Variants in SLIT3 observed in about 807,000 individuals in gnomAD.
SLIT3 encodes the protein slit homolog 3 protein.
SLIT3 carries 68 observed loss-of-function variants against 184.0 expected under a neutral mutation model. The observed-to-expected ratio is 0.37, with a 90% CI of 0.30 to 0.45. The LOEUF (loss-of-function observed/expected upper bound fraction) is 0.45. Ranked by LOEUF, SLIT3 falls within the 20% of genes least tolerant of loss-of-function variation. The probability of loss-of-function intolerance (pLI) is 1.00; values close to 1 mark genes in which losing one functional copy is unlikely to be tolerated. For missense variants in SLIT3, 1,707 were observed against 2,026.0 expected, an observed-to-expected ratio of 0.84 and a Z score of 3.02; for synonymous variants, 831 against 828.6, an observed-to-expected ratio of 1.00 and a Z score of -0.05.
At chr5:168,752,402 T>G (rs1039884503) in intron 18 of SLIT3, 1 of 150,552 alleles carries the variant, frequency 6.6e-6, no homozygotes, top group Non-Finnish European at 1.5e-5. Flanking sequence ...TTTTTTTTTT[T>G]TTTTTTTTTT....
chr5:169,251,586 T>C, intron 1 of SLIT3, 127 bp from the exon 2 acceptor site: 3 of 700,158 alleles, frequency 4.3e-6, no homozygotes, highest in East Asian at 5.0e-5. Context: ...ATTAACGATA[T>C]CCCTTGAGCG....
chr5:168,858,411 A>G (rs768170685), intron 5 of SLIT3, among the ~76,000 whole-genome samples: 1 of 152,214 alleles, frequency 6.6e-6, no homozygotes, highest in Admixed American at 6.5e-5. Context: ...CTACTTTTAT[A>G]TCCCCGTTAA....
chr5:169,217,150 A>AGC (rs1554108164), intron 3 of SLIT3, among the ~76,000 whole-genome samples: 80 of 149,436 alleles, frequency 5.4e-4, no homozygotes, highest in Admixed American at 1.1e-3. Context: ...AAAAAAAAAA[A>AGC]AACTTAGACT....
chr5:169,265,156 A>AAAACAAACAAACAAAC (rs35338338), intron 1 of SLIT3, among the ~76,000 whole-genome samples: 6 of 150,916 alleles, frequency 4.0e-5, no homozygotes, highest in East Asian at 4.0e-4. Flanking sequence ...TCCATGCTCA[A>AAAACAAACAAACAAAC]AAACAAACAA....
At chr5:169,164,338 C>T (rs182620502) in intron 4 of SLIT3, among the ~76,000 whole-genome samples, 3 of 152,270 alleles carry the variant, frequency 2.0e-5, no homozygotes, top group Admixed American at 1.3e-4. Flanking sequence ...TCTAGCACAA[C>T]GGGTTGGGAG....
intron 9 of SLIT3, among the ~76,000 whole-genome samples, chr5:168,801,144 C>A (rs1756752374): frequency 6.6e-6 from 1 of 152,146 alleles, no homozygotes; most frequent in African/African-American, 2.4e-5. Flanking sequence ...TCTGTCTGAT[C>A]AGCTTCTCCT....
chr5:168,802,154 A>G (rs1353777747), intron 9 of SLIT3, among the ~76,000 whole-genome samples: 6 of 152,090 alleles, frequency 3.9e-5, no homozygotes, highest in Non-Finnish European at 8.8e-5. Context: ...AAGAAAAAAA[A>G]AAAAAAAAGA....
chr5:168,998,203 C>T (rs1755579546), intron 4 of SLIT3, among the ~76,000 whole-genome samples: 1 of 152,180 alleles, frequency 6.6e-6, no homozygotes, highest in African/African-American at 2.4e-5. Flanking sequence ...TTTGTCATGG[C>T]TTAAAACACA....
chr5:169,150,757 A>G (rs1762086645), intron 4 of SLIT3, among the ~76,000 whole-genome samples: 1 of 152,222 alleles, frequency 6.6e-6, no homozygotes, highest in African/African-American at 2.4e-5. Context: ...TCACATCTGC[A>G]TAAGAGAGGT....
chr5:169,188,060 C>A (rs762873512), intron 4 of SLIT3, among the ~76,000 whole-genome samples: 2 of 152,110 alleles, frequency 1.3e-5, no homozygotes, highest in African/African-American at 4.8e-5. Flanking sequence ...AGGGCTCAAG[C>A]GATCCCCGCA....
intron 5 of SLIT3, among the ~76,000 whole-genome samples, chr5:168,851,685 C>T (rs1305672588): frequency 6.6e-6 from 1 of 152,170 alleles, no homozygotes; most frequent in East Asian, 1.9e-4. Context: ...TGGGACTTCC[C>T]TGTTTTAGCA....
chr5:169,222,435 C>A (rs1764644668), intron 3 of SLIT3, among the ~76,000 whole-genome samples: 3 of 152,048 alleles, frequency 2.0e-5, no homozygotes, highest in South Asian at 4.1e-4. Flanking sequence ...AGTAAAGAAT[C>A]GTACACACAG....
At chr5:168,978,334 T>C (rs888315689) in intron 4 of SLIT3, among the ~76,000 whole-genome samples, 1 of 152,232 alleles carries the variant, frequency 6.6e-6, no homozygotes, top group Non-Finnish European at 1.5e-5. Context: ...GACTCACAGC[T>C]CTCTACGCTG....
chr5:169,056,834 G>GGGCCACA (rs1004315269), intron 4 of SLIT3, among the ~76,000 whole-genome samples: 2 of 152,182 alleles, frequency 1.3e-5, no homozygotes, highest in African/African-American at 4.8e-5. Flanking sequence ...AGGTGGCCCA[G>GGGCCACA]GGCCACAGAA....
chr5:168,669,452 A>G (rs1761162438), intron 35 of SLIT3, among the ~76,000 whole-genome samples: 1 of 152,228 alleles, frequency 6.6e-6, no homozygotes, highest in African/African-American at 2.4e-5. Context: ...AACTGCAGCC[A>G]TGGCTGTGTA....
intron 3 of SLIT3, among the ~76,000 whole-genome samples, chr5:169,240,012 G>A (rs1261378449): frequency 6.6e-6 from 1 of 151,966 alleles, no homozygotes; most frequent in Non-Finnish European, 1.5e-5. Flanking sequence ...AATTTCCACT[G>A]TGATATGTTC....
intron 2 of SLIT3, 23 bp downstream of exon 2, chr5:169,251,365 C>G: frequency 6.4e-7 from 1 of 1,571,552 alleles, no homozygotes; most frequent in African/African-American, 1.3e-5. Flanking sequence ...TGAAAACACA[C>G]TTGAGAGCCA....
At chr5:169,234,570 A>T (rs1007171963) in intron 3 of SLIT3, among the ~76,000 whole-genome samples, 2 of 150,460 alleles carry the variant, frequency 1.3e-5, no homozygotes, top group African/African-American at 4.9e-5. Flanking sequence ...CACCTGGCTA[A>T]TTTTTTTTTT....
At chr5:168,956,445 A>G (rs1483442263) in intron 4 of SLIT3, among the ~76,000 whole-genome samples, 1 of 152,206 alleles carries the variant, frequency 6.6e-6, no homozygotes. Flanking sequence ...GTTTATTAAA[A>G]AAAATCAAAT....
Sources: allele counts gnomAD v4.1 joint callset (sites outside exome capture counted in the v4.1 genomes callset), GRCh38; gene constraint gnomAD v4.1.1; transcripts MANE v1.5; gene names NCBI Gene and HGNC (gene_info 2026-07-23, HGNC 2026-07-21).